MCCC2: variants seen among roughly 807,000 people sequenced by gnomAD.
MCCC2 encodes methylcrotonoyl-CoA carboxylase beta chain, mitochondrial.
MCCC2 carries 52 observed loss-of-function variants against 77.2 expected under a neutral mutation model. The ratio of observed to expected loss-of-function variants is 0.67; its 90% CI spans 0.54 to 0.85. The LOEUF (loss-of-function observed/expected upper bound fraction) is 0.85, where lower values mean the gene tolerates loss of function less well. Ranked by LOEUF, MCCC2 falls within the 40% of genes least tolerant of loss-of-function variation. The pLI is 0.00. For synonymous variants in MCCC2, 253 were observed against 248.4 expected, an observed-to-expected ratio of 1.02 and a Z score of -0.18; for missense variants, 682 against 703.2, an observed-to-expected ratio of 0.97 and a Z score of 0.34.
intron 16 of MCCC2, among the ~76,000 whole-genome samples, chr5:71,654,837 A>T (rs1453030956): frequency 2.8e-5 from 4 of 140,566 alleles, no homozygotes; most frequent in South Asian, 2.3e-4. Flanking sequence ...GGATCTGTAG[A>T]TTTTTTTTTT....
chr5:71,625,676 A>G (rs1746508501), intron 6 of MCCC2, among the ~76,000 whole-genome samples: 1 of 152,240 alleles, frequency 6.6e-6, no homozygotes, highest in African/African-American at 2.4e-5. Flanking sequence ...ATATGTTGAC[A>G]AATAAATGTT....
intron 16 of MCCC2, among the ~76,000 whole-genome samples, chr5:71,653,888 C>T (rs1180199410): frequency 6.7e-6 from 1 of 149,102 alleles, no homozygotes; most frequent in East Asian, 2.0e-4. Flanking sequence ...GAGTCCATTA[C>T]AATCATTTGA....
intron 12 of MCCC2, 115 bp downstream of exon 12, chr5:71,644,010 A>G (rs1360883501): frequency 8.1e-7 from 1 of 1,233,382 alleles, no homozygotes; most frequent in Non-Finnish European, 1.2e-6. Flanking sequence ...TGCCTCAGCA[A>G]CCAGAACACT....
At chr5:71,639,112 A>G (rs980269305) in intron 10 of MCCC2, among the ~76,000 whole-genome samples, 3 of 152,228 alleles carry the variant, frequency 2.0e-5, no homozygotes, top group African/African-American at 7.2e-5. Flanking sequence ...GAGCACAGGC[A>G]GAGTAGATTT....
intron 6 of MCCC2, among the ~76,000 whole-genome samples, chr5:71,611,710 A>G (rs1305986660): frequency 6.6e-6 from 1 of 152,070 alleles, no homozygotes; most frequent in African/African-American, 2.4e-5. Flanking sequence ...GTTGCCTCTG[A>G]GGTGGGAAGG....
intron 6 of MCCC2, among the ~76,000 whole-genome samples, chr5:71,615,617 C>G (rs567772015): frequency 1.3e-5 from 2 of 152,214 alleles, no homozygotes; most frequent in South Asian, 4.2e-4. Context: ...GAAATATACA[C>G]ATTGATCTCT....
chr5:71,652,862 G>C, intron 16 of MCCC2, 108 bp downstream of exon 16: 1 of 950,516 alleles, frequency 1.1e-6, no homozygotes, highest in South Asian at 1.3e-5. Flanking sequence ...ATAGGAACTG[G>C]AAAATAACAT....
chr5:71,598,143 G>A (rs116581764), intron 3 of MCCC2, among the ~76,000 whole-genome samples: 341 of 147,676 alleles, frequency 2.3e-3, no homozygotes, highest in Middle Eastern at 0.011. Context: ...CGCGATCTCC[G>A]TTCACTTAAC....
At chr5:71,643,427 C>T (rs1041617315) in intron 11 of MCCC2, among the ~76,000 whole-genome samples, 2 of 152,112 alleles carry the variant, frequency 1.3e-5, no homozygotes, top group Non-Finnish European at 2.9e-5. Flanking sequence ...TATGTTGATA[C>T]TCTCTCTTAT....
At chr5:71,637,056 C>T (rs931972716) in intron 10 of MCCC2, among the ~76,000 whole-genome samples, 32 of 151,990 alleles carry the variant, frequency 2.1e-4, no homozygotes, top group Non-Finnish European at 3.8e-4. Context: ...TTAATACATT[C>T]TTTTAAAAAA....
intron 6 of MCCC2, among the ~76,000 whole-genome samples, chr5:71,617,762 T>G (rs1046097910): frequency 1.3e-5 from 2 of 152,230 alleles, no homozygotes; most frequent in Non-Finnish European, 2.9e-5. Context: ...TGGTTTTTAT[T>G]TAATGTTACT....
chr5:71,657,011 A>T lies in MCCC2; in HGVS notation c.*151A>T. 1 of 621,916 alleles carries T rather than the reference A, an allele frequency of 1.6e-6. No homozygotes were observed. Among genetic ancestry groups the T allele is most frequent in the South Asian group, 1.8e-5 (1 of 54,792 alleles). 38.5% of individuals were successfully genotyped at this position (621,916 alleles called of 1,614,324 possible). A position where few individuals can be genotyped will look rare whatever the true frequency, so the allele number is the denominator to read the frequency against. On this transcript the variant is annotated 3_prime_UTR_variant, in exon 17 of 17. Coordinates refer to ENST00000340941, the MANE Select transcript of MCCC2 (RefSeq NM_022132.5). ...TTCTACCTTAAAAAAATCAGTGAGG[A>T]TATTTATTTAATGAACATCAATTCC...
intron 6 of MCCC2, among the ~76,000 whole-genome samples, chr5:71,606,970 C>T (rs915884624): frequency 2.6e-5 from 4 of 151,116 alleles, no homozygotes; most frequent in Non-Finnish European, 4.4e-5. Flanking sequence ...CTGCTGGATG[C>T]GTTTTGCCAG....
At chr5:71,648,369 A>G (rs1460307410) in intron 13 of MCCC2, among the ~76,000 whole-genome samples, 2 of 152,166 alleles carry the variant, frequency 1.3e-5, no homozygotes. Flanking sequence ...GAAGTTGCAG[A>G]GCAGCCTCCA....
At chr5:71,606,019 G>C (rs1374544829) in intron 6 of MCCC2, among the ~76,000 whole-genome samples, 2 of 152,164 alleles carry the variant, frequency 1.3e-5, no homozygotes, top group East Asian at 1.9e-4. Flanking sequence ...GATGCCTCCA[G>C]CTTTGTTCTT....
intron 6 of MCCC2, among the ~76,000 whole-genome samples, chr5:71,604,673 T>C (rs1745597034): frequency 6.6e-6 from 1 of 152,040 alleles, no homozygotes; most frequent in African/African-American, 2.4e-5. Flanking sequence ...GCTGGTGCGC[T>C]GCACCCACTA....
At chr5:71,602,878 GT>G in intron 5 of MCCC2, 6 of 496,278 alleles carry the variant, frequency 1.2e-5, no homozygotes, top group Non-Finnish European at 6.9e-6. Context: ...TATGTGTTGT[GT>G]GGTTTTTTTT....
At chr5:71,625,406 C>T (rs887894825) in intron 6 of MCCC2, among the ~76,000 whole-genome samples, 2 of 152,108 alleles carry the variant, frequency 1.3e-5, no homozygotes, top group African/African-American at 4.8e-5. Flanking sequence ...TGTGCTCACT[C>T]CCTGGGTGTA....
At chr5:71,588,474 TTGTC>T (rs1170482781) in intron 1 of MCCC2, among the ~76,000 whole-genome samples, 1 of 152,154 alleles carries the variant, frequency 6.6e-6, no homozygotes, top group Admixed American at 6.5e-5. Context: ...ACACAATTGT[TTGTC>T]AGTCCAGAAT....
Sources: allele counts gnomAD v4.1 joint callset (sites outside exome capture counted in the v4.1 genomes callset), GRCh38; gene constraint gnomAD v4.1.1; transcripts MANE v1.5; gene names NCBI Gene and HGNC (gene_info 2026-07-23, HGNC 2026-07-21).